The following SERGEF variants were observed in gnomAD, a reference collection of about 807,000 sequenced individuals.
The protein encoded by SERGEF is secretion-regulating guanine nucleotide exchange factor.
SERGEF carries 51 observed loss-of-function variants against 50.0 expected under a neutral mutation model. The observed-to-expected ratio is 1.02, with a 90% CI of 0.81 to 1.29. The LOEUF (loss-of-function observed/expected upper bound fraction) is 1.29, where lower values mean the gene tolerates loss of function less well. SERGEF is among the 50% of genes most tolerant of loss of function. The pLI is 0.00. For missense variants in SERGEF, 521 were observed against 557.0 expected, an observed-to-expected ratio of 0.94 and a Z score of 0.65; for synonymous variants, 205 against 212.4, an observed-to-expected ratio of 0.97 and a Z score of 0.30.
At chr11:17,974,055 G>A (rs1651363517) in intron 8 of SERGEF, among the ~76,000 whole-genome samples, 1 of 152,152 alleles carries the variant, frequency 6.6e-6, no homozygotes, top group African/African-American at 2.4e-5. Flanking sequence ...ACAAATGCTT[G>A]TCACATTCAA....
chr11:17,903,030 G>A (rs1421122941), intron 9 of SERGEF, among the ~76,000 whole-genome samples: 1 of 152,182 alleles, frequency 6.6e-6, no homozygotes, highest in Non-Finnish European at 1.5e-5. Flanking sequence ...GATAAAATCT[G>A]CCATTAGGAC....
intron 10 of SERGEF, among the ~76,000 whole-genome samples, chr11:17,831,689 C>A (rs1303959354): frequency 6.6e-6 from 1 of 152,144 alleles, no homozygotes; most frequent in Non-Finnish European, 1.5e-5. Context: ...TGGCTCTATA[C>A]CCTTTCTTTT....
At chr11:17,901,511 A>C (rs553661422) in intron 9 of SERGEF, among the ~76,000 whole-genome samples, 3 of 152,202 alleles carry the variant, frequency 2.0e-5, no homozygotes, top group African/African-American at 7.2e-5. Flanking sequence ...CACCACAAGA[A>C]GTCCATGCTC....
At chr11:17,816,091 T>C (rs1305106781) in intron 10 of SERGEF, among the ~76,000 whole-genome samples, 1 of 152,162 alleles carries the variant, frequency 6.6e-6, no homozygotes, top group Non-Finnish European at 1.5e-5. Context: ...GCTTGAATAA[T>C]GAGCCCTAAA....
intron 2 of SERGEF, among the ~76,000 whole-genome samples, chr11:18,007,550 T>C (rs999107502): frequency 6.6e-6 from 1 of 152,142 alleles, no homozygotes; most frequent in African/African-American, 2.4e-5. Flanking sequence ...CTAGATACAG[T>C]AAGGGAAGAT....
intron 9 of SERGEF, among the ~76,000 whole-genome samples, chr11:17,920,671 AAGGCTAC>A (rs1331895542): frequency 5.3e-5 from 8 of 152,210 alleles, no homozygotes; most frequent in Non-Finnish European, 1.0e-4. Context: ...GACCAAGTTT[AAGGCTAC>A]AGTGGCCTAT....
intron 10 of SERGEF, among the ~76,000 whole-genome samples, chr11:17,838,061 A>G (rs1223408674): frequency 6.6e-6 from 1 of 152,228 alleles, no homozygotes; most frequent in East Asian, 1.9e-4. Flanking sequence ...CATGCACAAC[A>G]CTAGAAGTCA....
intron 9 of SERGEF, among the ~76,000 whole-genome samples, chr11:17,957,976 A>C (rs1852911129): frequency 6.6e-6 from 1 of 152,216 alleles, no homozygotes; most frequent in Non-Finnish European, 1.5e-5. Context: ...AAAGGAATGT[A>C]GCTGTTTTAG....
intron 10 of SERGEF, among the ~76,000 whole-genome samples, chr11:17,870,666 T>A (rs1250374287): frequency 6.6e-6 from 1 of 152,090 alleles, no homozygotes; most frequent in Admixed American, 6.5e-5. Context: ...CTAATACGGG[T>A]GTGAATGAAA....
intron 10 of SERGEF, among the ~76,000 whole-genome samples, chr11:17,874,993 A>G (rs1851214950): frequency 6.6e-6 from 1 of 152,246 alleles, no homozygotes; most frequent in Non-Finnish European, 1.5e-5. Context: ...CATTGTTCTT[A>G]GCACTTTACC....
At chr11:17,815,011 T>C (rs1849941324) in intron 10 of SERGEF, among the ~76,000 whole-genome samples, 1 of 152,034 alleles carries the variant, frequency 6.6e-6, no homozygotes, top group African/African-American at 2.4e-5. Context: ...CAAGACCTTG[T>C]CTCTACAAAG....
In SERGEF at chr11:17,893,307, A is replaced by G. The variant is rs141071323; in HGVS notation, c.1012-15063T>C. On this transcript the variant is annotated intron_variant, in intron 9 of 10. Coordinates refer to ENST00000265965, the MANE Select transcript of SERGEF (RefSeq NM_012139.4). ...ATATGTAAGCTGTCTGACCTTGGGC[A>G]TGAAGCCTGTACTTTTTGAACCTTT... is the stretch of plus-strand genomic sequence containing the variant. 1.2e-3 allele frequency among the ~76,000 whole-genome samples: 184 copies of G among 152,352 alleles called. 1 individual carries two copies. Among genetic ancestry groups the G allele is most frequent in the African/African-American group, 4.2e-3 (176 of 41,580 alleles).
At chr11:17,999,448 T>C in intron 5 of SERGEF, 2 of 325,910 alleles carry the variant, frequency 6.1e-6, no homozygotes, top group South Asian at 4.6e-5. Context: ...TAATCAATGC[T>C]AAGCCCAGGA....
chr11:17,986,651 T>C (rs1853605071), intron 8 of SERGEF, among the ~76,000 whole-genome samples: 1 of 152,218 alleles, frequency 6.6e-6, no homozygotes, highest in South Asian at 2.1e-4. Flanking sequence ...ATGTCTTTCA[T>C]TAGTCAACTA....
chr11:17,917,800 C>A (rs1452006074), intron 9 of SERGEF, among the ~76,000 whole-genome samples: 2 of 152,214 alleles, frequency 1.3e-5, no homozygotes, highest in Non-Finnish European at 2.9e-5. Context: ...CAGGTCCCAA[C>A]CCAGACTGAC....
chr11:17,875,537 A>G (rs776401308), intron 10 of SERGEF, among the ~76,000 whole-genome samples: 2 of 152,220 alleles, frequency 1.3e-5, no homozygotes, highest in African/African-American at 4.8e-5. Flanking sequence ...ATTCGCTTCT[A>G]TGTGCGCTGG....
At chr11:17,935,589 A>C (rs1442784782) in intron 9 of SERGEF, among the ~76,000 whole-genome samples, 1 of 152,224 alleles carries the variant, frequency 6.6e-6, no homozygotes, top group Non-Finnish European at 1.5e-5. Flanking sequence ...AGGCACAATG[A>C]GAAGAAAGAC....
At chr11:17,937,912 C>A (rs1852485751) in intron 9 of SERGEF, among the ~76,000 whole-genome samples, 1 of 152,148 alleles carries the variant, frequency 6.6e-6, no homozygotes, top group African/African-American at 2.4e-5. Flanking sequence ...ATCCTTCCTG[C>A]CTAGTACCCT....
In SERGEF at chr11:17,844,908, C is replaced by A. The variant is rs867331361; in HGVS notation, c.1048+33300G>T. 2.0e-3 allele frequency among the ~76,000 whole-genome samples: 260 copies of A among 133,322 alleles called. 1 individual carries two copies. Among genetic ancestry groups the A allele is most frequent in the South Asian group, 0.012 (46 of 3,876 alleles). The allele number at this position is 133,322 out of a possible 152,430, so 87.5% of individuals were successfully genotyped here. On this transcript the variant is annotated intron_variant, in intron 10 of 10. Coordinates refer to ENST00000265965, the MANE Select transcript of SERGEF (RefSeq NM_012139.4). ...AACAGCTAATGAGCTTAAAAAAAAA[C>A]AAAACAAAACAAACAAACAAAAAAA...
Sources: gnomAD v4.1 joint callset for allele counts (sites outside exome capture counted in the v4.1 genomes callset) on GRCh38, gnomAD v4.1.1 for gene constraint, MANE v1.5 for transcripts, NCBI Gene and HGNC (gene_info 2026-07-23, HGNC 2026-07-21) for gene names.